The following SPTLC1 variants were observed in gnomAD, a reference collection of about 807,000 sequenced individuals.
The protein encoded by SPTLC1 is serine palmitoyltransferase 1.
Under a neutral mutation model 68.9 loss-of-function variants are expected in SPTLC1, and 55 were observed. The observed-to-expected ratio is 0.80, with a 90% CI of 0.64 to 1.00. The LOEUF (loss-of-function observed/expected upper bound fraction) is 1.00, where lower values mean the gene tolerates loss of function less well. SPTLC1 is among the 50% of genes least tolerant of loss of function. SPTLC1 has a pLI of 0.00. For missense variants in SPTLC1, 449 were observed against 573.1 expected, an observed-to-expected ratio of 0.78 and a Z score of 2.21; for synonymous variants, 197 against 201.6, an observed-to-expected ratio of 0.98 and a Z score of 0.19.
chr9:92,038,202 G>T, intron 13 of SPTLC1, 46 bp downstream of exon 13: 1 of 1,287,722 alleles, frequency 7.8e-7, no homozygotes, highest in Non-Finnish European at 1.1e-6. Context: ...CTTGGGGCAA[G>T]GGCAGAAGTG....
chr9:92,042,260 G>A (rs991733112), intron 12 of SPTLC1, among the ~76,000 whole-genome samples: 3 of 152,014 alleles, frequency 2.0e-5, no homozygotes, highest in Non-Finnish European at 4.4e-5. Flanking sequence ...TACAAATTAG[G>A]GACTCAGACC....
chr9:92,075,692 T>A (rs1250879379), intron 5 of SPTLC1, among the ~76,000 whole-genome samples: 3 of 152,180 alleles, frequency 2.0e-5, no homozygotes, highest in Non-Finnish European at 4.4e-5. Flanking sequence ...CCACTCACCT[T>A]TTATAGCACT....
intron 12 of SPTLC1, among the ~76,000 whole-genome samples, chr9:92,042,302 G>A (rs539294744): frequency 3.3e-5 from 5 of 152,156 alleles, no homozygotes; most frequent in East Asian, 3.9e-4. Flanking sequence ...GAACTAAGAC[G>A]CAAAAGCATT....
Position 92,090,565 on chromosome 9 carries a change from C to T in SPTLC1, c.261-9602G>A, listed in dbSNP as rs764897316. 8.6e-5 allele frequency among the ~76,000 whole-genome samples: 13 copies of T among 151,524 alleles called. No homozygotes were observed. In the South Asian group the frequency reaches 1.0e-3, roughly 12 times the overall value. ...AGAGAGACACTGCAGTGAGCTGAGA[C>T]GGTGCCACTGCATTCCAGCCTGGGC... On this transcript the variant is annotated intron_variant, in intron 3 of 14. Coordinates refer to ENST00000262554, the MANE Select transcript of SPTLC1 (RefSeq NM_006415.4).
chr9:92,092,773 T>G (rs1212348347), intron 3 of SPTLC1, among the ~76,000 whole-genome samples: 2 of 152,190 alleles, frequency 1.3e-5, no homozygotes, highest in Non-Finnish European at 2.9e-5. Flanking sequence ...GCTGGAATAG[T>G]ACTTAGAAGG....
At chr9:92,044,456 A>C (rs537374782) in intron 12 of SPTLC1, among the ~76,000 whole-genome samples, 19 of 152,250 alleles carry the variant, frequency 1.2e-4, no homozygotes, top group African/African-American at 4.6e-4. Flanking sequence ...GTCAGTGGAG[A>C]CCTCCACAAA....
intron 12 of SPTLC1, among the ~76,000 whole-genome samples, chr9:92,045,268 G>A (rs1833468209): frequency 6.6e-6 from 1 of 151,246 alleles, no homozygotes; most frequent in South Asian, 2.1e-4. Context: ...CCTTAGGAAA[G>A]GCAAAAAGAA....
At chr9:92,092,449 C>T (rs148895279) in intron 3 of SPTLC1, among the ~76,000 whole-genome samples, 1 of 152,192 alleles carries the variant, frequency 6.6e-6, no homozygotes, top group East Asian at 1.9e-4. Context: ...AGCCTACAGG[C>T]CGGGTGCAGT....
intron 9 of SPTLC1, 96 bp from the exon 10 acceptor site, chr9:92,047,804 C>A (rs56335035): frequency 0.017 from 13,047 of 756,778 alleles, 377 homozygotes; most frequent in African/African-American, 0.096. Context: ...ATTAAACTGT[C>A]TGTTAATATC....
chr9:92,032,932 T>C (rs1833023159), intron 14 of SPTLC1, among the ~76,000 whole-genome samples: 1 of 151,090 alleles, frequency 6.6e-6, no homozygotes, highest in African/African-American at 2.4e-5. Flanking sequence ...CTATGTGAGG[T>C]GAGGAACTGC....
At chr9:92,108,443 GGTAAAAAGCAGAAGTCT>G in intron 3 of SPTLC1, 1 of 357,782 alleles carries the variant, frequency 2.8e-6, no homozygotes, top group Non-Finnish European at 5.4e-6. Context: ...TAACCAGATG[GGTAAAAAGCAGAAGTCT>G]GTTGCTTTTC....
At chr9:92,085,184 A>G (rs1835067307) in intron 3 of SPTLC1, among the ~76,000 whole-genome samples, 2 of 149,648 alleles carry the variant, frequency 1.3e-5, no homozygotes, top group Non-Finnish European at 1.5e-5. Flanking sequence ...GATCCTTTCA[A>G]AAAACCAGCT....
At chr9:92,060,506 T>C (rs573923378) in intron 6 of SPTLC1, among the ~76,000 whole-genome samples, 15 of 152,242 alleles carry the variant, frequency 9.9e-5, no homozygotes, top group African/African-American at 2.9e-4. Context: ...CCTACAGAGA[T>C]ATCAGAACTG....
chr9:92,037,307 G>C (rs904360359), intron 13 of SPTLC1, among the ~76,000 whole-genome samples: 4 of 152,206 alleles, frequency 2.6e-5, no homozygotes, highest in South Asian at 2.1e-4. Context: ...AAACCTAGTA[G>C]CATTGCTCAT....
chr9:92,038,041 G>A (rs1833205678), intron 13 of SPTLC1, among the ~76,000 whole-genome samples: 1 of 152,208 alleles, frequency 6.6e-6, no homozygotes, highest in Non-Finnish European at 1.5e-5. Context: ...CCCAATGGGA[G>A]GGCCTGCTGC....
At chr9:92,108,483 C>T (rs938320504) in intron 3 of SPTLC1, 2 of 422,734 alleles carry the variant, frequency 4.7e-6, no homozygotes, top group Admixed American at 3.8e-5. Flanking sequence ...TTTAAGTGTT[C>T]GACCATTGGA....
intron 12 of SPTLC1, among the ~76,000 whole-genome samples, chr9:92,039,233 T>G (rs1314143612): frequency 6.6e-6 from 1 of 152,244 alleles, no homozygotes; most frequent in East Asian, 1.9e-4. Flanking sequence ...TATTTGCATG[T>G]TAAGTTTTAG....
chr9:92,115,343 G>A lies in SPTLC1; in HGVS notation c.28C>T (p.Leu10=). MATATEQWV[L]VEMVQALYEA... ...TAAAGCGCCTGTACCATCTCCACCAGAACCCACTGCTCCGTGGCGGTCGCC... is the reference window on the plus strand; with the variant it reads ...TAAAGCGCCTGTACCATCTCCACCAAAACCCACTGCTCCGTGGCGGTCGCC... The change falls in exon 1 of 15, where the codon CTG becomes TTG. Residue 10 remains leucine (L), a synonymous_variant. Coordinates refer to ENST00000262554, the MANE Select transcript of SPTLC1 (RefSeq NM_006415.4). 6.2e-7 allele frequency: 1 copy of A among 1,612,870 alleles called. No individual in the cohort carries two copies. The highest frequency in any genetic ancestry group is 8.5e-7 in the Non-Finnish European group (1 of 1,179,996).
intron 7 of SPTLC1, among the ~76,000 whole-genome samples, chr9:92,057,599 T>C (rs1240891949): frequency 1.3e-5 from 2 of 152,250 alleles, no homozygotes; most frequent in African/African-American, 2.4e-5. Flanking sequence ...TTCATAGTTA[T>C]GTGTATTCCT....
Sources: gnomAD v4.1 joint callset for allele counts (sites outside exome capture counted in the v4.1 genomes callset) on GRCh38, gnomAD v4.1.1 for gene constraint, MANE v1.5 for transcripts, NCBI Gene and HGNC (gene_info 2026-07-23, HGNC 2026-07-21) for gene names.